PCDH9: variants seen among roughly 807,000 people sequenced by gnomAD.
PCDH9 encodes protocadherin-9.
PCDH9 carries 24 observed loss-of-function variants against 70.6 expected under a neutral mutation model. The ratio of observed to expected loss-of-function variants is 0.34; its 90% CI spans 0.25 to 0.48. The LOEUF (loss-of-function observed/expected upper bound fraction) is 0.48, where lower values mean the gene tolerates loss of function less well. Among genes scored for constraint, PCDH9 ranks in the 20% least tolerant of loss-of-function variants. The pLI is 0.99. For synonymous variants in PCDH9, 562 were observed against 558.5 expected (o/e 1.01, Z -0.09); for missense variants, 1,281 against 1,503.6 (o/e 0.85, Z 2.45).
chr13:66,667,498 C>A (rs1364919133), intron 3 of PCDH9, among the ~76,000 whole-genome samples: 1 of 152,114 alleles, frequency 6.6e-6, no homozygotes, highest in Non-Finnish European at 1.5e-5. Context: ...CAAATGAGCA[C>A]AGAAACCTGC....
intron 3 of PCDH9, among the ~76,000 whole-genome samples, chr13:66,694,538 T>C (rs1411046203): frequency 4.6e-5 from 7 of 152,138 alleles, no homozygotes; most frequent in African/African-American, 1.7e-4. Flanking sequence ...ATATAGGAAA[T>C]AGCATCATTA....
At chr13:66,552,049 G>C (rs1180731090) in intron 4 of PCDH9, among the ~76,000 whole-genome samples, 2 of 152,044 alleles carry the variant, frequency 1.3e-5, no homozygotes, top group African/African-American at 4.8e-5. Context: ...CCCCTATAGA[G>C]TTCTCTCTCC....
In PCDH9 at chr13:66,655,157, C is replaced by CA. The variant is rs1043610881; in HGVS notation, c.3139-23747dup. ...CTTCTTTTCTGGGAACTACAGAAGA[C>CA]AAAAAAAATGGAAAAGAAAATAAAG... On this transcript the variant is annotated intron_variant, in intron 3 of 4. Transcript: ENST00000377865. 8.0e-5 allele frequency among the ~76,000 whole-genome samples: 12 copies of CA among 150,496 alleles called. No homozygotes were observed. In the South Asian group the frequency reaches 1.0e-3, roughly 13 times the overall value.
intron 4 of PCDH9, among the ~76,000 whole-genome samples, chr13:66,601,959 G>C (rs1347979403): frequency 6.9e-6 from 1 of 145,556 alleles, no homozygotes; most frequent in East Asian, 1.9e-4. Flanking sequence ...ACAGCTTTAT[G>C]TATTTACTAT....
chr13:67,208,451 G>T (rs552773117), intron 2 of PCDH9: 2 of 152,120 alleles, frequency 1.3e-5, no homozygotes, highest in African/African-American at 4.8e-5. Flanking sequence ...ATGTCACTTA[G>T]TATTAATAAT....
Position 66,584,352 on chromosome 13 carries a change from T to TA in PCDH9, c.3340+46857dup, listed in dbSNP as rs2076934520. Among the ~76,000 whole-genome samples the TA allele has an allele frequency of 4.6e-5, 7 of 152,288 alleles. No individual in the cohort carries two copies. In the South Asian group the frequency reaches 1.5e-3, roughly 32 times the overall value. On this transcript the variant is annotated intron_variant, in intron 4 of 4. Transcript: ENST00000377865. ...ACGGAATGATTTTTGAGTACAGAAT[T>TA]AATCATTGAGTACAGAATTTCTCAC...
At chr13:66,744,546 A>T (rs1433144230) in intron 3 of PCDH9, among the ~76,000 whole-genome samples, 1 of 152,186 alleles carries the variant, frequency 6.6e-6, no homozygotes, top group Non-Finnish European at 1.5e-5. Context: ...ACATGAGAAA[A>T]TACATTCCCA....
rs144788327 is a variant in PCDH9 at position 66,536,472 on chromosome 13, C to T, written c.3340+94738G>A. 3.5e-3 allele frequency among the ~76,000 whole-genome samples: 525 copies of T among 152,144 alleles called. 1 individual carries two copies. Among genetic ancestry groups the T allele is most frequent in the Non-Finnish European group, 6.3e-3 (425 of 67,980 alleles). ...GTTCTTATTTTATATCTTCTAAATG[C>T]TTCCTGTATATTTTAATATTCAATT... is the stretch of plus-strand genomic sequence containing the variant. On this transcript the variant is annotated intron_variant, in intron 4 of 4. Coordinates refer to ENST00000377865, the MANE Select transcript of PCDH9 (RefSeq NM_203487.3).
At chr13:66,470,048 T>G (rs1176245952) in intron 4 of PCDH9, among the ~76,000 whole-genome samples, 2 of 152,176 alleles carry the variant, frequency 1.3e-5, no homozygotes, top group African/African-American at 2.4e-5. Flanking sequence ...CTTCTACCTC[T>G]TTCCTTTTCT....
intron 4 of PCDH9, among the ~76,000 whole-genome samples, chr13:66,507,698 TTTTG>T (rs143044642): frequency 0.59 from 88,666 of 149,372 alleles, 28,348 homozygotes; most frequent in South Asian, 0.85. Context: ...TTCCTTTCTT[TTTTG>T]TTTGTTTGTT....
At chr13:66,519,806 A>G (rs1245742625) in intron 4 of PCDH9, among the ~76,000 whole-genome samples, 1 of 152,134 alleles carries the variant, frequency 6.6e-6, no homozygotes, top group Non-Finnish European at 1.5e-5. Context: ...GCTCTCGGCC[A>G]TTGGAAAATA....
At chr13:66,972,601 C>A (rs1438209102) in intron 2 of PCDH9, among the ~76,000 whole-genome samples, 1 of 152,002 alleles carries the variant, frequency 6.6e-6, no homozygotes, top group Non-Finnish European at 1.5e-5. Flanking sequence ...TCTCAAACCA[C>A]TAGAGCATAG....
At chr13:66,519,065 T>C (rs1270619230) in intron 4 of PCDH9, among the ~76,000 whole-genome samples, 1 of 152,152 alleles carries the variant, frequency 6.6e-6, no homozygotes, top group African/African-American at 2.4e-5. Context: ...GGAACTACTA[T>C]GCATGTGGCC....
chr13:66,478,609 T>A (rs921313887), intron 4 of PCDH9, among the ~76,000 whole-genome samples: 1 of 152,182 alleles, frequency 6.6e-6, no homozygotes, highest in Non-Finnish European at 1.5e-5. Flanking sequence ...GTTTTAGTTG[T>A]CTGGTTAAAA....
At chr13:67,229,320 AAG>A (rs1419935703) in intron 1 of PCDH9, among the ~76,000 whole-genome samples, 1 of 152,258 alleles carries the variant, frequency 6.6e-6, no homozygotes, top group African/African-American at 2.4e-5. Flanking sequence ...CTAGAGGTGG[AAG>A]AGAGTGCCGA....
At chr13:66,412,170 A>G (rs910497310) in intron 4 of PCDH9, among the ~76,000 whole-genome samples, 4 of 152,160 alleles carry the variant, frequency 2.6e-5, no homozygotes, top group Admixed American at 1.3e-4. Context: ...TGTAATGCAG[A>G]CTATTGTAAT....
intron 4 of PCDH9, among the ~76,000 whole-genome samples, chr13:66,398,110 A>G (rs1347142733): frequency 1.3e-5 from 2 of 152,150 alleles, no homozygotes; most frequent in Non-Finnish European, 2.9e-5. Flanking sequence ...ATTATATAAT[A>G]TATGACAGGC....
intron 2 of PCDH9, among the ~76,000 whole-genome samples, chr13:67,073,779 A>G (rs1024257170): frequency 4.6e-5 from 7 of 152,090 alleles, no homozygotes; most frequent in East Asian, 1.9e-4. Context: ...TTTGTATGAT[A>G]CTTTTCTTGA....
rs189330077 is a variant in PCDH9 at position 66,643,585 on chromosome 13, C to A, written c.3139-12174G>T. ...TTTGTGCACTAAGGATAATTTGTTT[C>A]TTCTGGATACAAATATAAAATTCAA... is the stretch of plus-strand genomic sequence containing the variant. On this transcript the variant is annotated intron_variant, in intron 3 of 4. Coordinates refer to ENST00000377865, the MANE Select transcript of PCDH9 (RefSeq NM_203487.3). Among the ~76,000 whole-genome samples, 57 of 152,092 alleles carry A rather than the reference C, an allele frequency of 3.7e-4. 1 individual carries two copies. Among genetic ancestry groups the A allele is most frequent in the Admixed American group, 1.2e-3 (18 of 15,280 alleles).
Sources: allele counts gnomAD v4.1 joint callset (sites outside exome capture counted in the v4.1 genomes callset), GRCh38; gene constraint gnomAD v4.1.1; transcripts MANE v1.5; gene names NCBI Gene and HGNC (gene_info 2026-07-23, HGNC 2026-07-21).